Variants in SEMA5B observed in about 807,000 individuals in gnomAD.
SEMA5B encodes semaphorin-5B.
SEMA5B carries 66 observed loss-of-function variants against 135.0 expected under a neutral mutation model. The observed-to-expected ratio is 0.49, with a 90% CI of 0.40 to 0.60. SEMA5B has a LOEUF of 0.60. Ranked by LOEUF, SEMA5B falls within the 20% of genes least tolerant of loss-of-function variation. The pLI is 0.00. For missense variants in SEMA5B, 1,501 were observed against 1,566.3 expected, an observed-to-expected ratio of 0.96 and a Z score of 0.70; for synonymous variants, 690 against 639.5, an observed-to-expected ratio of 1.08 and a Z score of -1.19.
Position 122,922,036 on chromosome 3 carries a change from C to CG in SEMA5B, c.1566dup (p.Gly523ArgfsTer100). On this transcript the variant is annotated frameshift_variant, in exon 12 of 23. Coordinates refer to ENST00000357599, the MANE Select transcript of SEMA5B (RefSeq NM_001031702.4). LOFTEE classifies it high-confidence loss of function. ...AGGCTGCGCAGGGGCTCGCGGCGCC[C>CG]GGGGGGCAGCACGTGCAGCTCCTCC... The CG allele has an allele frequency of 2.0e-6, 3 of 1,496,654 alleles. No individual in the cohort carries two copies. Among genetic ancestry groups the CG allele is most frequent in the South Asian group, 2.7e-5 (2 of 74,970 alleles). 92.7% of individuals were successfully genotyped at this position (1,496,654 alleles called of 1,614,324 possible). A position where few individuals can be genotyped will look rare whatever the true frequency, so the allele number is the denominator to read the frequency against.
chr3:122,911,381 C>A, intron 21 of SEMA5B, 110 bp downstream of exon 21: 1 of 1,553,336 alleles, frequency 6.4e-7, no homozygotes, highest in South Asian at 1.2e-5. Flanking sequence ...AGTGGGGACC[C>A]CAACAAAGCT....
At chr3:122,974,877 T>C (rs995269921) in intron 1 of SEMA5B, among the ~76,000 whole-genome samples, 1 of 152,152 alleles carries the variant, frequency 6.6e-6, no homozygotes, top group Non-Finnish European at 1.5e-5. Flanking sequence ...CTAACAGGCT[T>C]ACTATTTGCA....
intron 12 of SEMA5B, 46 bp downstream of exon 12, chr3:122,921,869 C>T: frequency 6.8e-7 from 1 of 1,479,648 alleles, no homozygotes; most frequent in Non-Finnish European, 9.0e-7. Flanking sequence ...CTCTTAAGCG[C>T]CTCCTCCGCA....
intron 5 of SEMA5B, among the ~76,000 whole-genome samples, chr3:122,938,256 GTGGATGGATGGA>G (rs772688109): frequency 6.6e-6 from 1 of 152,034 alleles, no homozygotes; most frequent in Non-Finnish European, 1.5e-5. Flanking sequence ...TATTGGATGG[GTGGATGGATGGA>G]TGGATGGATG....
intron 2 of SEMA5B, among the ~76,000 whole-genome samples, chr3:122,955,657 G>A (rs1391442636): frequency 3.3e-5 from 5 of 152,182 alleles, no homozygotes; most frequent in Admixed American, 6.5e-5. Flanking sequence ...CCCTGAGCTT[G>A]GGAGGCTGCT....
intron 1 of SEMA5B, among the ~76,000 whole-genome samples, chr3:122,970,864 C>A (rs558607853): frequency 6.6e-6 from 1 of 152,344 alleles, no homozygotes; most frequent in East Asian, 1.9e-4. Flanking sequence ...CCCAGAGAAA[C>A]AGGGCCTCTT....
At chr3:122,944,989 GAGAT>G (rs1225415109) in intron 3 of SEMA5B, among the ~76,000 whole-genome samples, 1 of 151,700 alleles carries the variant, frequency 6.6e-6, no homozygotes, top group Non-Finnish European at 1.5e-5. Context: ...GAGAGAGAGA[GAGAT>G]AGAGAGAGAG....
rs56870893 is a variant in SEMA5B at position 122,954,970 on chromosome 3, G to GTT, written c.124+6168_124+6169dup. On this transcript the variant is annotated intron_variant, in intron 2 of 22. Coordinates refer to ENST00000357599, the MANE Select transcript of SEMA5B (RefSeq NM_001031702.4). The stretch of plus-strand genomic sequence containing the variant: ...ACCAGGCTGGGCAATTTTGTTTTTT[G>GTT]TTTTTTTTTTTTTGTAGAAACAGAG... Among the ~76,000 whole-genome samples, 1,058 of 141,854 alleles carry GTT rather than the reference G, an allele frequency of 7.5e-3. 9 individuals carry two copies. Among genetic ancestry groups the GTT allele is most frequent in the African/African-American group, 0.026 (1,016 of 38,666 alleles). 93.1% of individuals were successfully genotyped at this position (141,854 alleles called of 152,430 possible).
At chr3:122,915,932 C>T (rs1281449498) in intron 12 of SEMA5B, 42 bp from the exon 13 acceptor site, 1 of 1,487,164 alleles carries the variant, frequency 6.7e-7, no homozygotes, top group Admixed American at 1.7e-5. Context: ...ACTGGCTTCC[C>T]AGCCTCACCT....
rs1937828581 is a variant in SEMA5B at position 122,913,002 on chromosome 3, A to G, written c.2566T>C (p.Trp856Arg). Reference sequence around the variant, plus strand: ...GACGACCACGGGCCCCAGGCGGCCCAGCCCCCGCTCACCGTGTGCGGGGAG... The same window carrying G: ...GACGACCACGGGCCCCAGGCGGCCCGGCCCCCGCTCACCGTGTGCGGGGAG... ...STSPHTVSGGWAAWGPWSSCS... is the reference protein window; with the variant it reads ...STSPHTVSGGRAAWGPWSSCS... Residue 856 changes from tryptophan (W) to arginine (R), a missense_variant, in exon 18 of 23, where the codon TGG (tryptophan) becomes CGG (arginine). Physicochemically the swap from Trp to Arg is moderately radical, Grantham distance 101. Transcript: ENST00000357599. The G allele has an allele frequency of 6.2e-7, 1 of 1,605,682 alleles. No homozygotes were observed. The highest frequency in any genetic ancestry group is 8.5e-7 in the Non-Finnish European group (1 of 1,176,394).
At position 122,928,512 on chromosome 3, in the gene SEMA5B, C is replaced by A. The variant is rs1471359250; in HGVS notation, c.636+5G>T. The A allele has an allele frequency of 3.2e-6, 5 of 1,553,152 alleles. No individual in the cohort carries two copies. In the South Asian group the frequency reaches 6.0e-5, roughly 18 times the overall value. On this transcript the variant is annotated splice_donor_5th_base_variant and intron_variant, in intron 7 of 22. Transcript: ENST00000357599. ...CTTCAGTCTCCTCCACCCTGAGGTG[C>A]CCACCTGTCTGCTGGTGCACATGGG...
intron 1 of SEMA5B, among the ~76,000 whole-genome samples, chr3:123,015,255 T>C (rs1355877530): frequency 6.6e-6 from 1 of 152,190 alleles, no homozygotes; most frequent in Admixed American, 6.5e-5. Flanking sequence ...AGAAAACTAA[T>C]ACAAACACAA....
chr3:123,022,481 A>C (rs1243290209), intron 1 of SEMA5B, among the ~76,000 whole-genome samples: 1 of 152,210 alleles, frequency 6.6e-6, no homozygotes, highest in East Asian at 1.9e-4. Context: ...TAAAGCTTTC[A>C]TGTACTCAGG....
intron 1 of SEMA5B, among the ~76,000 whole-genome samples, chr3:123,009,405 A>G (rs1267512165): frequency 6.6e-6 from 1 of 152,046 alleles, no homozygotes; most frequent in Non-Finnish European, 1.5e-5. Flanking sequence ...GGTCCTGTGA[A>G]CACATCAGGG....
intron 10 of SEMA5B, among the ~76,000 whole-genome samples, chr3:122,922,877 C>T (rs1560299600): frequency 4.5e-5 from 1 of 22,182 alleles, no homozygotes; most frequent in Non-Finnish European, 2.3e-4. Context: ...AGCTGGAAGC[C>T]TTCTGAGCAT....
intron 1 of SEMA5B, among the ~76,000 whole-genome samples, chr3:123,025,519 G>T (rs1270643649): frequency 6.6e-6 from 1 of 152,198 alleles, no homozygotes; most frequent in South Asian, 2.1e-4. Context: ...AGATGTCCAC[G>T]GTGATGATTA....
At chr3:122,997,488 G>A (rs527553032) in intron 1 of SEMA5B, among the ~76,000 whole-genome samples, 57 of 151,194 alleles carry the variant, frequency 3.8e-4, no homozygotes, top group African/African-American at 1.3e-3. Context: ...GGAGACTGAG[G>A]CCACGCTACC....
At chr3:122,934,271 T>C (rs1939139887) in intron 5 of SEMA5B, among the ~76,000 whole-genome samples, 1 of 151,990 alleles carries the variant, frequency 6.6e-6, no homozygotes, top group African/African-American at 2.4e-5. Flanking sequence ...AATTAAAGGA[T>C]CTAGAAAAAG....
intron 1 of SEMA5B, among the ~76,000 whole-genome samples, chr3:122,981,430 C>T (rs1264692386): frequency 6.6e-6 from 1 of 152,238 alleles, no homozygotes; most frequent in Non-Finnish European, 1.5e-5. Flanking sequence ...GCGAATTTGA[C>T]AGCTTCCTGG....
Sources: allele counts gnomAD v4.1 joint callset (sites outside exome capture counted in the v4.1 genomes callset), GRCh38; gene constraint gnomAD v4.1.1; transcripts MANE v1.5; gene names NCBI Gene and HGNC (gene_info 2026-07-23, HGNC 2026-07-21).